HSD17B11: variants seen among roughly 807,000 people sequenced by gnomAD.
HSD17B11 encodes the protein hydroxysteroid 17-beta dehydrogenase 11.
A neutral mutation model predicts 27.8 loss-of-function variants in HSD17B11; 22 were observed. The observed-to-expected ratio is 0.79, with a 90% CI of 0.56 to 1.13. The LOEUF is 1.13. Ranked by LOEUF, HSD17B11 falls within the 50% of genes most tolerant of loss-of-function variation. The pLI is 0.00. For missense variants in HSD17B11, 314 were observed against 351.1 expected (o/e 0.89, Z 0.84); for synonymous variants, 117 against 132.8 (o/e 0.88, Z 0.82).
At chr4:87,362,012 C>T (rs1421170712) in intron 4 of HSD17B11, among the ~76,000 whole-genome samples, 1 of 152,128 alleles carries the variant, frequency 6.6e-6, no homozygotes, top group Non-Finnish European at 1.5e-5. Flanking sequence ...ACCCCTGACC[C>T]AAAGGAAAAT....
chr4:87,339,121 G>A (rs905578133), intron 6 of HSD17B11, among the ~76,000 whole-genome samples: 13 of 152,166 alleles, frequency 8.5e-5, no homozygotes, highest in African/African-American at 3.1e-4. Context: ...AGCATACAGT[G>A]ATGAAAACTA....
intron 4 of HSD17B11, among the ~76,000 whole-genome samples, chr4:87,357,680 T>C (rs527902376): frequency 8.5e-5 from 13 of 152,264 alleles, no homozygotes; most frequent in Admixed American, 2.6e-4. Context: ...AAAAGCCTTT[T>C]AAAGAAAATT....
At chr4:87,369,157 T>G (rs1478480731) in intron 4 of HSD17B11, among the ~76,000 whole-genome samples, 2 of 152,218 alleles carry the variant, frequency 1.3e-5, no homozygotes, top group Non-Finnish European at 2.9e-5. Flanking sequence ...CCTTATTTTC[T>G]GATTTTACTT....
intron 3 of HSD17B11, 190 bp downstream of exon 3, chr4:87,374,509 A>C: frequency 2.3e-6 from 1 of 442,638 alleles, no homozygotes; most frequent in Non-Finnish European, 4.0e-6. Context: ...TGTTATTATT[A>C]ATGTTGTCAG....
At position 87,370,002 on chromosome 4, in the gene HSD17B11, A is replaced by G. The variant is rs531173705; in HGVS notation, c.557+2707T>C. 2.2e-4 allele frequency among the ~76,000 whole-genome samples: 33 copies of G among 152,316 alleles called. No individual in the cohort carries two copies. In the South Asian group the frequency reaches 6.6e-3, roughly 31 times the overall value. On this transcript the variant is annotated intron_variant, in intron 4 of 6. Coordinates refer to ENST00000358290, the MANE Select transcript of HSD17B11 (RefSeq NM_016245.5). Reference sequence around the variant, plus strand: ...TCTTTTATCTTGCATTCTTCATATTAATCATTAAAACTGTTGAACTAAAAC... The same window carrying G: ...TCTTTTATCTTGCATTCTTCATATTGATCATTAAAACTGTTGAACTAAAAC...
intron 4 of HSD17B11, among the ~76,000 whole-genome samples, chr4:87,363,732 G>C (rs565686583): frequency 6.6e-6 from 1 of 152,214 alleles, no homozygotes; most frequent in African/African-American, 2.4e-5. Context: ...TCTGAGAAAA[G>C]AAATAGACAC....
chr4:87,379,297 G>C (rs1385996425), intron 2 of HSD17B11, among the ~76,000 whole-genome samples: 1 of 150,710 alleles, frequency 6.6e-6, no homozygotes, highest in South Asian at 2.1e-4. Context: ...CGCTCCAGCA[G>C]ATATATTTCT....
intron 5 of HSD17B11, among the ~76,000 whole-genome samples, chr4:87,353,923 C>T (rs1048666861): frequency 6.6e-6 from 1 of 152,012 alleles, no homozygotes; most frequent in African/African-American, 2.4e-5. Context: ...GAAGCTTATC[C>T]TCACTACTTT....
In HSD17B11 at chr4:87,380,863, CAAA is replaced by C. The variant is rs561938045; in HGVS notation, c.318+1389_318+1391del. ...ACAAAGCTAGAGCTAGACTCTATCT[CAAA>C]AAAAAAAAAAAAAAAAAAAAAAAAA... On this transcript the variant is annotated intron_variant, in intron 2 of 6. Transcript: ENST00000358290. Among the ~76,000 whole-genome samples the C allele has an allele frequency of 6.2e-3, 461 of 74,620 alleles. 2 individuals carry two copies. Among genetic ancestry groups the C allele is most frequent in the African/African-American group, 0.02 (368 of 18,390 alleles). The allele number at this position is 74,620 out of a possible 152,430, so 49.0% of individuals were successfully genotyped here.
chr4:87,380,508 G>C (rs1358699962), intron 2 of HSD17B11, among the ~76,000 whole-genome samples: 1 of 146,486 alleles, frequency 6.8e-6, no homozygotes, highest in African/African-American at 2.5e-5. Context: ...AAAGAAAAGA[G>C]AAAAAGAAAA....
Position 87,390,896 on chromosome 4 carries a change from G to A in HSD17B11, c.175C>T (p.Leu59Phe). The A allele has an allele frequency of 6.2e-7, 1 of 1,614,154 alleles. No homozygotes were observed. The highest frequency in any genetic ancestry group is 8.5e-7 in the Non-Finnish European group (1 of 1,180,010). ...TCCCAGAGAACCAGCTTGCTTTTAA[G>A]TTTAGCAAATTCATAGGCAGTCAGT... ...GRLTAYEFAK[L>F]KSKLVLWDIN... The change falls in exon 1 of 7, where the codon CTT becomes TTT. Residue 59 changes from leucine to phenylalanine, a missense_variant. Transcript: ENST00000358290.
At chr4:87,372,345 TA>T (rs1394309499) in intron 4 of HSD17B11, among the ~76,000 whole-genome samples, 1 of 151,756 alleles carries the variant, frequency 6.6e-6, no homozygotes, top group Non-Finnish European at 1.5e-5. Flanking sequence ...TTATTAATAT[TA>T]AAAATTATAA....
intron 6 of HSD17B11, among the ~76,000 whole-genome samples, chr4:87,340,027 G>A (rs1045256101): frequency 6.6e-6 from 1 of 152,146 alleles, no homozygotes; most frequent in Non-Finnish European, 1.5e-5. Context: ...CACATTGGAA[G>A]AAGCAAGACT....
chr4:87,370,098 G>A (rs142423937), intron 4 of HSD17B11, among the ~76,000 whole-genome samples: 1 of 152,300 alleles, frequency 6.6e-6, no homozygotes, highest in African/African-American at 2.4e-5. Context: ...TTCTGTGGCT[G>A]TAGTAACTCA....
chr4:87,356,520 T>C (rs996150418), intron 5 of HSD17B11, among the ~76,000 whole-genome samples: 2 of 152,288 alleles, frequency 1.3e-5, no homozygotes, highest in South Asian at 2.1e-4. Flanking sequence ...ACGCCAGTTA[T>C]AGAAAATTCA....
At chr4:87,371,714 C>G (rs1309026043) in intron 4 of HSD17B11, among the ~76,000 whole-genome samples, 1 of 152,200 alleles carries the variant, frequency 6.6e-6, no homozygotes, top group African/African-American at 2.4e-5. Flanking sequence ...TGTGAAAGTC[C>G]TATCATTGAT....
intron 2 of HSD17B11, among the ~76,000 whole-genome samples, chr4:87,381,186 C>CCAA (rs746118163): frequency 0.011 from 1,262 of 114,006 alleles, 14 homozygotes; most frequent in Admixed American, 0.018. Flanking sequence ...GACTCCATTT[C>CCAA]AAAAAAAAAA....
At chr4:87,378,919 AATATATATAAATATATATATAT>A (rs1560769526) in intron 2 of HSD17B11, among the ~76,000 whole-genome samples, 1 of 5,926 alleles carries the variant, frequency 1.7e-4, no homozygotes, top group Admixed American at 3.4e-3. Context: ...TATATATATA[AATATATATAAATATATATATAT>A]ATATATTTAT....
At chr4:87,379,456 A>G (rs1339849655) in intron 2 of HSD17B11, among the ~76,000 whole-genome samples, 1 of 147,396 alleles carries the variant, frequency 6.8e-6, no homozygotes, top group African/African-American at 2.5e-5. Context: ...CTGGATATAT[A>G]TATAATATTT....
Sources: allele counts gnomAD v4.1 joint callset (sites outside exome capture counted in the v4.1 genomes callset), GRCh38; gene constraint gnomAD v4.1.1; transcripts MANE v1.5; gene names NCBI Gene and HGNC (gene_info 2026-07-23, HGNC 2026-07-21).